The following KCND2 variants were observed in gnomAD, a reference collection of about 807,000 sequenced individuals.
The protein encoded by KCND2 is A-type voltage-gated potassium channel KCND2.
A neutral mutation model predicts 54.4 loss-of-function variants in KCND2; 16 were observed. The observed-to-expected ratio is 0.29, with a 90% CI of 0.20 to 0.45. The LOEUF is 0.45. Ranked by LOEUF, KCND2 falls within the 20% of genes least tolerant of loss-of-function variation. The pLI is 1.00. For missense variants in KCND2, 486 were observed against 824.2 expected, an observed-to-expected ratio of 0.59 and a Z score of 5.02; for synonymous variants, 317 against 310.7, an observed-to-expected ratio of 1.02 and a Z score of -0.21.
intron 1 of KCND2, among the ~76,000 whole-genome samples, chr7:120,333,545 C>T (rs1348081682): frequency 1.3e-5 from 2 of 151,988 alleles, no homozygotes; most frequent in Admixed American, 6.6e-5. Flanking sequence ...AAAGCACTTT[C>T]GGATTTTTGC....
chr7:120,431,758 G>A (rs1448161183), intron 1 of KCND2, among the ~76,000 whole-genome samples: 1 of 152,084 alleles, frequency 6.6e-6, no homozygotes, highest in African/African-American at 2.4e-5. Context: ...TCTGTTGACA[G>A]ACATCAAAAA....
chr7:120,724,091 A>T (rs776590225), intron 1 of KCND2, among the ~76,000 whole-genome samples: 2 of 152,164 alleles, frequency 1.3e-5, no homozygotes, highest in Non-Finnish European at 2.9e-5. Context: ...TTACCATCAG[A>T]CCTTTCCCTG....
intron 1 of KCND2, among the ~76,000 whole-genome samples, chr7:120,593,300 T>A (rs1436897351): frequency 6.6e-6 from 1 of 152,150 alleles, no homozygotes; most frequent in Non-Finnish European, 1.5e-5. Flanking sequence ...AGTACTTGAT[T>A]TAGGGTAGAA....
chr7:120,337,525 T>A lies in KCND2; in HGVS notation c.1115+61778T>A, dbSNP rs116218502. 7.6e-3 allele frequency among the ~76,000 whole-genome samples: 1,150 copies of A among 152,306 alleles called. 12 individuals are homozygous for A. The highest frequency in any genetic ancestry group is 0.027 in the African/African-American group (1,104 of 41,560). On this transcript the variant is annotated intron_variant, in intron 1 of 5. Coordinates refer to ENST00000331113, the MANE Select transcript of KCND2 (RefSeq NM_012281.3). ...TAATGAGTAGGTATTTTTAAGACTT[T>A]CACTTCTATTTCTCCATTATCAAAA... is the stretch of plus-strand genomic sequence containing the variant.
chr7:120,339,297 A>G (rs1457406706), intron 1 of KCND2, among the ~76,000 whole-genome samples: 3 of 152,124 alleles, frequency 2.0e-5, no homozygotes, highest in African/African-American at 7.2e-5. Context: ...TTACTGCAGT[A>G]TTCAAGCACA....
chr7:120,641,689 G>A (rs1201406464), intron 1 of KCND2, among the ~76,000 whole-genome samples: 1 of 151,042 alleles, frequency 6.6e-6, no homozygotes, highest in Non-Finnish European at 1.5e-5. Flanking sequence ...TCACTGAATT[G>A]AGCTTTAAAA....
At chr7:120,423,760 C>T (rs563350258) in intron 1 of KCND2, among the ~76,000 whole-genome samples, 1 of 152,316 alleles carries the variant, frequency 6.6e-6, no homozygotes, top group South Asian at 2.1e-4. Context: ...ATTTTATTGC[C>T]TTGTTTACTA....
chr7:120,675,855 C>CTT lies in KCND2; in HGVS notation c.1116-57029_1116-57028dup, dbSNP rs58226731. 4.3e-3 allele frequency among the ~76,000 whole-genome samples: 527 copies of CTT among 121,490 alleles called. 6 individuals carry two copies. The highest frequency in any genetic ancestry group is 0.016 in the African/African-American group (481 of 30,808). 79.7% of individuals were successfully genotyped at this position (121,490 alleles called of 152,430 possible). A position where few individuals can be genotyped will look rare whatever the true frequency, so the allele number is the denominator to read the frequency against. ...GTGTCTTCCTACTTGTCTTTCTATT[C>CTT]TTTTTTTTTTTTTTTTTTTTGAGAC... On this transcript the variant is annotated intron_variant, in intron 1 of 5. Transcript: ENST00000331113.
chr7:120,361,403 T>C (rs1288988398), intron 1 of KCND2, among the ~76,000 whole-genome samples: 1 of 152,004 alleles, frequency 6.6e-6, no homozygotes, highest in Non-Finnish European at 1.5e-5. Flanking sequence ...CTCTCTCTTT[T>C]TTTTTTTTCC....
chr7:120,480,939 G>T, intron 1 of KCND2, among the ~76,000 whole-genome samples: 1 of 152,142 alleles, frequency 6.6e-6, no homozygotes, highest in East Asian at 1.9e-4. Flanking sequence ...GGAGGAGTGG[G>T]TTTAAAACAG....
intron 1 of KCND2, among the ~76,000 whole-genome samples, chr7:120,516,739 A>T (rs1562861312): frequency 1.3e-5 from 2 of 152,240 alleles, no homozygotes; most frequent in East Asian, 3.9e-4. Flanking sequence ...TCTACTGTTG[A>T]CCCAGGATTG....
At chr7:120,492,953 C>T (rs1450482228) in intron 1 of KCND2, among the ~76,000 whole-genome samples, 10 of 151,894 alleles carry the variant, frequency 6.6e-5, no homozygotes. Context: ...ATATATATTG[C>T]TTCCCACCAT....
chr7:120,585,814 A>G (rs1279672269), intron 1 of KCND2, among the ~76,000 whole-genome samples: 1 of 152,168 alleles, frequency 6.6e-6, no homozygotes, highest in Non-Finnish European at 1.5e-5. Context: ...ATGATAATGA[A>G]TCTTAATCCT....
In KCND2 at chr7:120,353,133, C is replaced by CTTT. The variant is rs72353278; in HGVS notation, c.1115+77409_1115+77411dup. On this transcript the variant is annotated intron_variant, in intron 1 of 5. Coordinates refer to ENST00000331113, the MANE Select transcript of KCND2 (RefSeq NM_012281.3). ...TAACAATGTGAGATAAATACTTTTA[C>CTTT]TTTTTTTTTTTTTTTTTTTTTTTTT... Among the ~76,000 whole-genome samples, 811 of 91,702 alleles carry CTTT rather than the reference C, an allele frequency of 8.8e-3. 55 individuals carry two copies. Among genetic ancestry groups the CTTT allele is most frequent in the African/African-American group, 0.032 (756 of 23,528 alleles). 60.2% of individuals were successfully genotyped at this position (91,702 alleles called of 152,430 possible).
rs556938286 is a variant in KCND2 at position 120,602,913 on chromosome 7, C to T, written c.1116-129990C>T. On this transcript the variant is annotated intron_variant, in intron 1 of 5. Coordinates refer to ENST00000331113, the MANE Select transcript of KCND2 (RefSeq NM_012281.3). ...ATCTATCGAAATGTTCCCTTCTACT[C>T]CTGGGACAAAGGTGAGAAGGAACTC... 8.5e-5 allele frequency among the ~76,000 whole-genome samples: 13 copies of T among 152,282 alleles called. No individual in the cohort carries two copies. The East Asian group carries it at 1.3e-3, about 16-fold the overall frequency.
intron 1 of KCND2, among the ~76,000 whole-genome samples, chr7:120,474,800 A>T (rs73435874): frequency 0.011 from 1,658 of 152,176 alleles, 34 homozygotes; most frequent in African/African-American, 0.038. Flanking sequence ...CGTAAAGCTT[A>T]TTTGTTTCTC....
At chr7:120,389,648 CTTA>C (rs1300021146) in intron 1 of KCND2, among the ~76,000 whole-genome samples, 2 of 151,730 alleles carry the variant, frequency 1.3e-5, no homozygotes, top group African/African-American at 4.8e-5. Flanking sequence ...TTTACATTAA[CTTA>C]TTAGTTTTAC....
rs1426406382 is a variant in KCND2 at position 120,275,578 on chromosome 7, A to G, written c.946A>G (p.Thr316Ala). 6.2e-7 allele frequency: 1 copy of G among 1,613,566 alleles called. No homozygotes were observed. Among genetic ancestry groups the G allele is most frequent in the Admixed American group, 1.7e-5 (1 of 59,982 alleles). ...TCAAGGCCTGCGCATCCTGGGGTACACACTGAAGAGTTGTGCCTCAGAATT... is the reference window on the plus strand; with the variant it reads ...TCAAGGCCTGCGCATCCTGGGGTACGCACTGAAGAGTTGTGCCTCAGAATT... ...HSQGLRILGY[T>A]LKSCASELGF... The change falls in exon 1 of 6, where the codon ACA (threonine) becomes GCA (alanine). Residue 316 changes from threonine (T) to alanine (A), a missense_variant. Around this residue, in one of 7 missense-constraint regions of KCND2, gnomAD observed 12 missense variants for 67.0 expected, o/e 0.18. Transcript: ENST00000331113.
intron 1 of KCND2, among the ~76,000 whole-genome samples, chr7:120,404,548 A>G (rs1043578628): frequency 7.2e-5 from 11 of 152,196 alleles, no homozygotes; most frequent in Admixed American, 6.6e-5. Flanking sequence ...AAAACTACAC[A>G]GATAACATTA....
Sources: gnomAD v4.1 joint callset for allele counts (sites outside exome capture counted in the v4.1 genomes callset) on GRCh38, gnomAD v4.1.1 for gene constraint, gnomAD v4.1.1 regional missense constraint, MANE v1.5 for transcripts, NCBI Gene and HGNC (gene_info 2026-07-23, HGNC 2026-07-21) for gene names.